The following AGBL1 variants were observed in gnomAD, a reference collection of about 807,000 sequenced individuals.
AGBL1 encodes AGBL carboxypeptidase 1, also known as cytosolic carboxypeptidase 4.
A neutral mutation model predicts 118.9 loss-of-function variants in AGBL1; 130 were observed. The observed-to-expected ratio is 1.09, with a 90% CI of 0.95 to 1.26. The LOEUF (loss-of-function observed/expected upper bound fraction) is 1.26. Ranked by LOEUF, AGBL1 falls within the 50% of genes most tolerant of loss-of-function variation. The pLI, the probability that AGBL1 is intolerant of heterozygous loss-of-function variation, is 0.00. For missense variants in AGBL1, 1,584 were observed against 1,298.1 expected (o/e 1.22, Z -3.38); for synonymous variants, 555 against 478.9 (o/e 1.16, Z -2.08).
rs386383698 is a variant in AGBL1 at position 86,838,941 on chromosome 15, T to TAAAAAAAA, written c.3159-68128_3159-68121dup. Among the ~76,000 whole-genome samples, 325 of 47,884 alleles carry TAAAAAAAA rather than the reference T, an allele frequency of 6.8e-3. 1 individual carries two copies. Among genetic ancestry groups the TAAAAAAAA allele is most frequent in the Non-Finnish European group, 8.7e-3 (254 of 29,148 alleles). 31.4% of individuals were successfully genotyped at this position (47,884 alleles called of 152,430 possible). Reference sequence around the variant, plus strand: ...CCCCGGGCAACAGAATGAGATCCTGTAAAAAAAAAAAAAAAAAAAAAAAAA... The same window carrying TAAAAAAAA: ...CCCCGGGCAACAGAATGAGATCCTGTAAAAAAAAAAAAAAAAAAAAAAAAAAAAAAAAA... On this transcript the variant is annotated intron_variant, in intron 22 of 22. Transcript: ENST00000614907.
chr15:86,763,290 A>G (rs901781229), intron 22 of AGBL1, among the ~76,000 whole-genome samples: 2 of 151,996 alleles, frequency 1.3e-5, no homozygotes, highest in African/African-American at 2.4e-5. Flanking sequence ...AATAGAGAAA[A>G]TGTTTTAGAT....
chr15:86,547,809 A>T (rs1239641021), intron 20 of AGBL1, among the ~76,000 whole-genome samples: 1 of 152,154 alleles, frequency 6.6e-6, no homozygotes, highest in African/African-American at 2.4e-5. Flanking sequence ...AATTTTCTAC[A>T]TAGTTTATTA....
chr15:86,612,924 G>A (rs915684699), intron 21 of AGBL1, among the ~76,000 whole-genome samples: 6 of 152,128 alleles, frequency 3.9e-5, no homozygotes, highest in African/African-American at 1.4e-4. Context: ...TGACAATCAG[G>A]AAATCTTTGA....
chr15:86,280,130 C>A (rs1424853747), intron 16 of AGBL1, among the ~76,000 whole-genome samples: 1 of 149,854 alleles, frequency 6.7e-6, no homozygotes, highest in Non-Finnish European at 1.5e-5. Flanking sequence ...GGAGCAACAC[C>A]ATACAAGTAA....
intron 18 of AGBL1, among the ~76,000 whole-genome samples, chr15:86,439,134 G>A (rs985999635): frequency 1.3e-5 from 2 of 152,130 alleles, no homozygotes; most frequent in Admixed American, 1.3e-4. Flanking sequence ...ATACAGGGGA[G>A]CAGCATCTCA....
At chr15:86,848,600 T>G (rs1032727762) in intron 22 of AGBL1, among the ~76,000 whole-genome samples, 3 of 152,290 alleles carry the variant, frequency 2.0e-5, no homozygotes, top group Middle Eastern at 3.4e-3. Flanking sequence ...ATTCAAGCAG[T>G]TGTAACTTAT....
At chr15:86,420,907 A>G (rs2081779855) in intron 18 of AGBL1, among the ~76,000 whole-genome samples, 1 of 152,246 alleles carries the variant, frequency 6.6e-6, no homozygotes, top group Admixed American at 6.5e-5. Flanking sequence ...ATGTGATTAG[A>G]GAAAAAAGAA....
At chr15:86,512,108 C>T (rs1449904448) in intron 18 of AGBL1, among the ~76,000 whole-genome samples, 1 of 151,948 alleles carries the variant, frequency 6.6e-6, no homozygotes, top group African/African-American at 2.4e-5. Context: ...CTTTCAGGCT[C>T]TGGGGACACA....
chr15:86,896,639 T>A (rs2080132032), intron 22 of AGBL1, among the ~76,000 whole-genome samples: 1 of 152,208 alleles, frequency 6.6e-6, no homozygotes, highest in Non-Finnish European at 1.5e-5. Context: ...GTTTCTTTTT[T>A]AAAATTAGCA....
chr15:86,167,922 G>A (rs76295735), intron 5 of AGBL1, among the ~76,000 whole-genome samples: 1 of 152,206 alleles, frequency 6.6e-6, no homozygotes, highest in Non-Finnish European at 1.5e-5. Flanking sequence ...TGAGAAAAAT[G>A]AGTAGAGAAC....
Position 86,615,754 on chromosome 15 carries a change from G to A in AGBL1, c.2995-58519G>A, listed in dbSNP as rs1476277137. ...TTAGAAATGTGAGTTTTATATTGTG[G>A]ACAGAGGTTAAAAAATAGATTTAAA... On this transcript the variant is annotated intron_variant, in intron 21 of 22. Transcript: ENST00000614907. This position sits in a 1 kb window ranked among gnomAD's most constrained non-coding sequence, Gnocchi z 4.3. Among the ~76,000 whole-genome samples the A allele has an allele frequency of 6.6e-6, 1 of 152,162 alleles. No homozygotes were observed. The highest frequency in any genetic ancestry group is 6.5e-5 in the Admixed American group (1 of 15,278).
chr15:86,453,739 C>A lies in AGBL1; in HGVS notation c.2555+56193C>A, dbSNP rs1453655863. ...AGGTGGGCTAATGAAGAATCTTTGG[C>A]AGCTACTGCCAAGCCCTGGATGTTT... On this transcript the variant is annotated intron_variant, in intron 18 of 22. Coordinates refer to ENST00000614907, the MANE Select transcript of AGBL1 (RefSeq NM_001386094.1). 2.0e-5 allele frequency among the ~76,000 whole-genome samples: 3 copies of A among 152,158 alleles called. No individual in the cohort carries two copies. In the East Asian group the frequency reaches 5.8e-4, roughly 29 times the overall value.
intron 6 of AGBL1, among the ~76,000 whole-genome samples, chr15:86,233,095 A>G (rs370418618): frequency 6.6e-5 from 10 of 152,206 alleles, no homozygotes; most frequent in East Asian, 3.9e-4. Context: ...CCAAGATCCC[A>G]CACATGGTAA....
chr15:86,798,603 TA>T (rs1403833752), intron 22 of AGBL1, among the ~76,000 whole-genome samples: 8 of 151,874 alleles, frequency 5.3e-5, no homozygotes, highest in Non-Finnish European at 8.8e-5. Context: ...AGTTGTTTTT[TA>T]ACAACTATGT....
intron 1 of AGBL1, among the ~76,000 whole-genome samples, chr15:86,133,521 G>T (rs2076845915): frequency 6.6e-6 from 1 of 152,186 alleles, no homozygotes; most frequent in Non-Finnish European, 1.5e-5. Context: ...GTAAGAACAA[G>T]GACTGTCTGT....
intron 5 of AGBL1, among the ~76,000 whole-genome samples, chr15:86,190,396 GTAAA>G (rs2077700302): frequency 6.6e-6 from 1 of 152,044 alleles, no homozygotes; most frequent in Admixed American, 6.6e-5. Flanking sequence ...ATAATAGAAA[GTAAA>G]TAGTAAGTAA....
intron 22 of AGBL1, among the ~76,000 whole-genome samples, chr15:86,875,477 C>T (rs914990820): frequency 3.9e-5 from 6 of 152,162 alleles, no homozygotes; most frequent in African/African-American, 1.4e-4. Flanking sequence ...TTGGGATCAG[C>T]GTTGAGCCTC....
intron 17 of AGBL1, among the ~76,000 whole-genome samples, chr15:86,310,335 G>A (rs2079901222): frequency 6.6e-6 from 1 of 151,426 alleles, no homozygotes; most frequent in African/African-American, 2.4e-5. Context: ...TTGGCTAAAG[G>A]TTTGTCAATT....
chr15:86,962,111 A>G (rs553461829), intron 23 of AGBL1, among the ~76,000 whole-genome samples: 11 of 152,280 alleles, frequency 7.2e-5, no homozygotes, highest in African/African-American at 2.4e-4. Context: ...CTCAAATTCA[A>G]TTATCCTGGA....
Sources: allele counts gnomAD v4.1 joint callset (sites outside exome capture counted in the v4.1 genomes callset), GRCh38; gene constraint gnomAD v4.1.1; non-coding constraint Gnocchi (gnomAD v3.1); transcripts MANE v1.5; gene names NCBI Gene and HGNC (gene_info 2026-07-23, HGNC 2026-07-21).